Variants in TXNRD2 observed in about 807,000 individuals in gnomAD.
TXNRD2 encodes the protein thioredoxin reductase 2.
A neutral mutation model predicts 70.8 loss-of-function variants in TXNRD2; 67 were observed. That is an observed-to-expected ratio of 0.95 (90% CI 0.78 to 1.16). The LOEUF is 1.16. Ranked by LOEUF, TXNRD2 falls within the 50% of genes most tolerant of loss-of-function variation. The pLI is 0.00. For missense variants in TXNRD2, 644 were observed against 719.9 expected, an observed-to-expected ratio of 0.89 and a Z score of 1.21; for synonymous variants, 301 against 295.8, an observed-to-expected ratio of 1.02 and a Z score of -0.18.
chr22:19,918,258 G>T, intron 4 of TXNRD2, 41 bp from the exon 5 acceptor site: 2 of 1,561,452 alleles, frequency 1.3e-6, no homozygotes, highest in Non-Finnish European at 1.8e-6. Flanking sequence ...CACAACACAG[G>T]TGTTAGCTGC....
chr22:19,882,745 A>G (rs1475243314), intron 12 of TXNRD2, among the ~76,000 whole-genome samples: 2 of 152,182 alleles, frequency 1.3e-5, no homozygotes, highest in Non-Finnish European at 1.5e-5. Context: ...ACTGACCACC[A>G]CAGTCCCTTA....
intron 10 of TXNRD2, among the ~76,000 whole-genome samples, chr22:19,896,614 C>T (rs1462055630): frequency 1.3e-5 from 2 of 152,218 alleles, no homozygotes; most frequent in African/African-American, 2.4e-5. Context: ...TTCTCCCTCC[C>T]GGCCCAGGAG....
At position 19,877,191 on chromosome 22, in the gene TXNRD2, G is replaced by A; in HGVS notation, c.1489C>T (p.His497Tyr). The change falls in exon 17 of 18, where the codon CAT becomes TAT. Residue 497 changes from histidine (H) to tyrosine (Y), a missense_variant. Physicochemically the swap from His to Tyr is moderately conservative, Grantham distance 83. Coordinates refer to ENST00000400521, the MANE Select transcript of TXNRD2 (RefSeq NM_006440.5). ...ACTACCTCCTCAGAGCATGTGGGATGGATACCCACGGTCCGCATCACCTGC... is the reference window on the plus strand; with the variant it reads ...ACTACCTCCTCAGAGCATGTGGGATAGATACCCACGGTCCGCATCACCTGC... ...YAQVMRTVGI[H>Y]PTCSEEVVKL... 6.2e-7 allele frequency: 1 copy of A among 1,611,760 alleles called. No homozygotes were observed. Among genetic ancestry groups the A allele is most frequent in the Non-Finnish European group, 8.5e-7 (1 of 1,178,830 alleles).
intron 11 of TXNRD2, chr22:19,895,089 A>T (rs987470503): frequency 2.5e-6 from 4 of 1,597,504 alleles, no homozygotes; most frequent in South Asian, 1.1e-5. Context: ...GGCGAGGATG[A>T]TTGCCTAGTT....
At chr22:19,903,109 G>C (rs1939850787) in intron 8 of TXNRD2, 1 of 500,382 alleles carries the variant, frequency 2.0e-6, no homozygotes, top group Admixed American at 2.1e-5. Context: ...AGGCCTGGCT[G>C]GCTGCAGCCC....
chr22:19,919,478 C>T, intron 3 of TXNRD2, 65 bp downstream of exon 3: 1 of 1,480,078 alleles, frequency 6.8e-7, no homozygotes, highest in Non-Finnish European at 9.2e-7. Flanking sequence ...GCCCTCTGTA[C>T]AGGAACTGGG....
At chr22:19,909,314 G>A (rs569077619) in intron 8 of TXNRD2, among the ~76,000 whole-genome samples, 2 of 152,032 alleles carry the variant, frequency 1.3e-5, no homozygotes, top group East Asian at 1.9e-4. Context: ...GTAAACAGAT[G>A]CACCTCCAAG....
intron 1 of TXNRD2, among the ~76,000 whole-genome samples, chr22:19,936,422 C>T (rs997438839): frequency 3.4e-5 from 5 of 145,018 alleles, no homozygotes; most frequent in Non-Finnish European, 7.6e-5. Flanking sequence ...GAAGAGCCGA[C>T]ACTTGTAGCT....
chr22:19,890,469 C>T (rs1327951962), intron 11 of TXNRD2, among the ~76,000 whole-genome samples: 1 of 152,216 alleles, frequency 6.6e-6, no homozygotes, highest in African/African-American at 2.4e-5. Context: ...AGGGTCACTG[C>T]TGGGCCCATC....
At chr22:19,940,244 CAAAAAA>C (rs141013808) in intron 1 of TXNRD2, among the ~76,000 whole-genome samples, 1 of 68,492 alleles carries the variant, frequency 1.5e-5, no homozygotes, top group Non-Finnish European at 2.6e-5. Context: ...GACACTGTCT[CAAAAAA>C]AAAAAAAAAA....
intron 7 of TXNRD2, among the ~76,000 whole-genome samples, chr22:19,912,803 G>T (rs954715367): frequency 6.6e-6 from 1 of 152,230 alleles, no homozygotes; most frequent in South Asian, 2.1e-4. Flanking sequence ...AGGACTGGGG[G>T]TGCTTGTGCT....
intron 8 of TXNRD2, among the ~76,000 whole-genome samples, chr22:19,904,684 C>T (rs894092859): frequency 3.3e-5 from 5 of 152,228 alleles, no homozygotes; most frequent in East Asian, 1.9e-4. Context: ...GCCTCGTGCA[C>T]GCCGCAGAGC....
Position 19,911,072 on chromosome 22 carries a change from CT to C in TXNRD2, c.662+304del, listed in dbSNP as rs1278927993. Reference sequence around the variant, plus strand: ...TTTGGGGGACAGAGTGAGAATTCACCTAAAAAAAAAAGCCAAAAAAAAAACC... The same window carrying C: ...TTTGGGGGACAGAGTGAGAATTCACCAAAAAAAAAAGCCAAAAAAAAAACC... On this transcript the variant is annotated intron_variant, in intron 8 of 17. Coordinates refer to ENST00000400521, the MANE Select transcript of TXNRD2 (RefSeq NM_006440.5). 3.7e-5 allele frequency: 15 copies of C among 404,744 alleles called. 1 individual carries two copies. The highest frequency in any genetic ancestry group is 5.6e-5 in the Non-Finnish European group (12 of 215,986). 25.1% of individuals were successfully genotyped at this position (404,744 alleles called of 1,614,324 possible).
chr22:19,932,279 C>T (rs1470458843), intron 1 of TXNRD2: 1 of 1,611,250 alleles, frequency 6.2e-7, no homozygotes, highest in Non-Finnish European at 8.5e-7. Context: ...GGGAAGCCAC[C>T]CTGGGCACAG....
At chr22:19,908,324 A>G (rs1940166684) in intron 8 of TXNRD2, among the ~76,000 whole-genome samples, 1 of 152,162 alleles carries the variant, frequency 6.6e-6, no homozygotes, top group African/African-American at 2.4e-5. Flanking sequence ...GGCAGAGTAC[A>G]CATGGAATTG....
At chr22:19,910,930 C>T in intron 8 of TXNRD2, 1 of 275,260 alleles carries the variant, frequency 3.6e-6, no homozygotes, top group Non-Finnish European at 7.1e-6. Flanking sequence ...CAAAAATTAG[C>T]CAGATGTGGT....
At chr22:19,936,420 G>A (rs142590558) in intron 1 of TXNRD2, among the ~76,000 whole-genome samples, 294 of 142,414 alleles carry the variant, frequency 2.1e-3, no homozygotes, top group Middle Eastern at 3.6e-3. Context: ...ACGAAGAGCC[G>A]ACACTTGTAG....
intron 9 of TXNRD2, among the ~76,000 whole-genome samples, chr22:19,898,698 C>T (rs1939633984): frequency 1.3e-5 from 2 of 152,168 alleles, no homozygotes; most frequent in Middle Eastern, 3.4e-3. Flanking sequence ...TCATCTCCCT[C>T]AGATGTCCCC....
intron 2 of TXNRD2, among the ~76,000 whole-genome samples, 163 bp from the exon 3 acceptor site, chr22:19,919,762 T>C (rs919674246): frequency 6.6e-6 from 1 of 152,178 alleles, no homozygotes; most frequent in Non-Finnish European, 1.5e-5. Flanking sequence ...ACCCCTGATC[T>C]GCCTCTGCGC....
Sources: gnomAD v4.1 joint callset for allele counts (sites outside exome capture counted in the v4.1 genomes callset) on GRCh38, gnomAD v4.1.1 for gene constraint, MANE v1.5 for transcripts, NCBI Gene and HGNC (gene_info 2026-07-23, HGNC 2026-07-21) for gene names.